ADGRL4: variants seen among roughly 807,000 people sequenced by gnomAD.
ADGRL4 encodes EGF, latrophilin and seven transmembrane domain containing 1.
A neutral mutation model predicts 74.8 loss-of-function variants in ADGRL4; 90 were observed. The observed-to-expected ratio is 1.20, with a 90% CI of 1.02 to 1.43. The LOEUF (loss-of-function observed/expected upper bound fraction) is 1.43, where lower values mean the gene tolerates loss of function less well. Among genes scored for constraint, ADGRL4 ranks in the 40% most tolerant of loss-of-function variants. The probability of loss-of-function intolerance (pLI) is 0.00; values close to 1 mark genes in which losing one functional copy is unlikely to be tolerated. For missense variants in ADGRL4, 881 were observed against 814.3 expected (o/e 1.08, Z -1.00); for synonymous variants, 311 against 279.2 (o/e 1.11, Z -1.14).
intron 2 of ADGRL4, among the ~76,000 whole-genome samples, chr1:78,961,429 T>G (rs1649951691): frequency 6.6e-6 from 1 of 151,996 alleles, no homozygotes; most frequent in Non-Finnish European, 1.5e-5. Context: ...GCGTGAGTAC[T>G]TCAGTATGTT....
chr1:78,924,202 G>GA (rs988690715), intron 8 of ADGRL4, among the ~76,000 whole-genome samples: 10 of 151,886 alleles, frequency 6.6e-5, no homozygotes, highest in African/African-American at 2.4e-4. Context: ...AAAGATCTGA[G>GA]AAAAAAATAT....
chr1:78,891,815 C>G, intron 13 of ADGRL4, 123 bp from the exon 14 acceptor site: 1 of 777,490 alleles, frequency 1.3e-6, no homozygotes, highest in Non-Finnish European at 1.9e-6. Context: ...ACAAATAGAC[C>G]CAATAGAATT....
At chr1:78,993,957 A>G (rs773148256) in intron 2 of ADGRL4, among the ~76,000 whole-genome samples, 20 of 152,148 alleles carry the variant, frequency 1.3e-4, no homozygotes, top group Non-Finnish European at 2.6e-4. Context: ...GATACATAAG[A>G]TCCAAAAGAA....
intron 12 of ADGRL4, among the ~76,000 whole-genome samples, chr1:78,911,133 T>G (rs920755531): frequency 1.3e-5 from 2 of 151,840 alleles, no homozygotes; most frequent in African/African-American, 4.8e-5. Flanking sequence ...CAGGGCTCCA[T>G]TCATAAAAAT....
At chr1:78,897,678 A>G (rs1648426167) in intron 12 of ADGRL4, among the ~76,000 whole-genome samples, 1 of 152,210 alleles carries the variant, frequency 6.6e-6, no homozygotes, top group African/African-American at 2.4e-5. Context: ...CAGAAAAAAT[A>G]CTTATCTAAA....
Position 78,989,541 on chromosome 1 carries a change from T to C in ADGRL4, c.172+15529A>G, listed in dbSNP as rs77987555. Among the ~76,000 whole-genome samples the C allele has an allele frequency of 9.2e-3, 1,400 of 151,946 alleles. 22 individuals carry two copies. The highest frequency in any genetic ancestry group is 0.031 in the African/African-American group (1,282 of 41,512). ...TAAAGATTAGTAAACTGGTAAAGAA[T>C]GGGGAGTAATATGTTCTTCTTCTAG... On this transcript the variant is annotated intron_variant, in intron 2 of 14. Transcript: ENST00000370742.
intron 2 of ADGRL4, among the ~76,000 whole-genome samples, chr1:78,961,380 A>G (rs1382908721): frequency 6.6e-6 from 1 of 152,032 alleles, no homozygotes; most frequent in Non-Finnish European, 1.5e-5. Context: ...TGACCTCGTG[A>G]TCCGCCCACC....
chr1:78,935,439 G>A (rs900782661), intron 7 of ADGRL4, among the ~76,000 whole-genome samples: 3 of 151,390 alleles, frequency 2.0e-5, no homozygotes, highest in Middle Eastern at 3.2e-3. Flanking sequence ...TTAGAGGACT[G>A]GGTCAATAGC....
At chr1:78,978,040 A>C (rs1650322641) in intron 2 of ADGRL4, among the ~76,000 whole-genome samples, 1 of 151,880 alleles carries the variant, frequency 6.6e-6, no homozygotes, top group African/African-American at 2.4e-5. Flanking sequence ...ATCCACAGGC[A>C]TTCCCCACTC....
Position 79,006,678 on chromosome 1 carries a change from G to C in ADGRL4, c.-24C>G, listed in dbSNP as rs1221109573. On this transcript the variant is annotated 5_prime_UTR_variant, in exon 1 of 15. Transcript: ENST00000370742. ...ATTGGCGGTGGCCGCAGTGGTGGCG[G>C]TGGCGGAGAGCGCGGCGGAGTGAGT... 2 of 1,483,942 alleles carry C rather than the reference G, an allele frequency of 1.3e-6. No individual in the cohort carries two copies. The highest frequency in any genetic ancestry group is 2.5e-5 in the Admixed American group (1 of 39,858). The allele number at this position is 1,483,942 out of a possible 1,614,324, so 91.9% of individuals were successfully genotyped here. A position where few individuals can be genotyped will look rare whatever the true frequency, so the allele number is the denominator to read the frequency against.
chr1:78,894,126 A>G (rs540321805), intron 12 of ADGRL4, among the ~76,000 whole-genome samples: 1 of 151,926 alleles, frequency 6.6e-6, no homozygotes, highest in African/African-American at 2.4e-5. Context: ...AAAGTGCAAC[A>G]TTATAATTTT....
intron 7 of ADGRL4, among the ~76,000 whole-genome samples, chr1:78,931,953 G>C (rs974701342): frequency 6.6e-6 from 1 of 151,460 alleles, no homozygotes; most frequent in Admixed American, 6.6e-5. Context: ...CCTACAAAGA[G>C]ACTTAGACTC....
rs1649004398 is a variant in ADGRL4, at chr1:78,921,719, C to A, written c.1151G>T (p.Trp384Leu). ...NYSPDTMNGSWSSEGCELTYS... is the reference protein window; with the variant it reads ...NYSPDTMNGSLSSEGCELTYS... ...TGTCAGCTCACAGCCCTCTGAAGACCAGCTGCCATTCATGGTATCAGGTGA... is the reference window on the plus strand; with the variant it reads ...TGTCAGCTCACAGCCCTCTGAAGACAAGCTGCCATTCATGGTATCAGGTGA... The change falls in exon 9 of 15, where the codon TGG becomes TTG. Residue 384 changes from tryptophan to leucine, a missense_variant. By Grantham distance (61) the Trp-to-Leu change is moderately conservative. Transcript: ENST00000370742. 2.5e-6 allele frequency: 4 copies of A among 1,603,152 alleles called. No homozygotes were observed. The highest frequency in any genetic ancestry group is 4.5e-5 in the East Asian group (2 of 43,974).
chr1:78,896,128 G>A (rs1648392819), intron 12 of ADGRL4, among the ~76,000 whole-genome samples: 1 of 151,848 alleles, frequency 6.6e-6, no homozygotes, highest in African/African-American at 2.4e-5. Flanking sequence ...TCTTCCCTTT[G>A]TTTACTATAC....
chr1:78,997,691 TA>T (rs1650746812), intron 2 of ADGRL4, among the ~76,000 whole-genome samples: 1 of 152,296 alleles, frequency 6.6e-6, no homozygotes, highest in Admixed American at 6.5e-5. Flanking sequence ...TTTATTCATC[TA>T]GGTGTTTATA....
At chr1:79,004,228 T>A (rs1197156863) in intron 2 of ADGRL4, among the ~76,000 whole-genome samples, 1 of 152,130 alleles carries the variant, frequency 6.6e-6, no homozygotes, top group East Asian at 1.9e-4. Context: ...ACTTGCTATT[T>A]AATTATATTT....
intron 3 of ADGRL4, among the ~76,000 whole-genome samples, chr1:78,940,130 T>TA (rs1310515342): frequency 1.3e-5 from 2 of 152,114 alleles, no homozygotes; most frequent in Non-Finnish European, 2.9e-5. Context: ...AGACCCAATT[T>TA]AAGAAACACA....
At chr1:78,987,995 C>A (rs1454787606) in intron 2 of ADGRL4, among the ~76,000 whole-genome samples, 2 of 107,126 alleles carry the variant, frequency 1.9e-5, no homozygotes, top group Non-Finnish European at 4.3e-5. Flanking sequence ...ATAGCCACTG[C>A]ATTTTTTTTG....
intron 12 of ADGRL4, among the ~76,000 whole-genome samples, chr1:78,915,949 G>T (rs1172240406): frequency 6.6e-6 from 1 of 151,714 alleles, no homozygotes; most frequent in African/African-American, 2.4e-5. Flanking sequence ...GTAAAACTGA[G>T]GGGCCTAGCT....
Sources: gnomAD v4.1 joint callset for allele counts (sites outside exome capture counted in the v4.1 genomes callset) on GRCh38, gnomAD v4.1.1 for gene constraint, MANE v1.5 for transcripts, NCBI Gene and HGNC (gene_info 2026-07-23, HGNC 2026-07-21) for gene names.